Variants in SYNCRIP observed in about 807,000 individuals in gnomAD.
The protein encoded by SYNCRIP is synaptotagmin binding cytoplasmic RNA interacting protein, also known as heterogeneous nuclear ribonucleoprotein Q.
A neutral mutation model predicts 68.9 loss-of-function variants in SYNCRIP; 9 were observed. The ratio of observed to expected loss-of-function variants is 0.13; its 90% CI spans 0.08 to 0.23. The LOEUF (loss-of-function observed/expected upper bound fraction) is 0.23, where lower values mean the gene tolerates loss of function less well. SYNCRIP is among the 10% of genes least tolerant of loss of function. SYNCRIP has a pLI of 1.00. For synonymous variants in SYNCRIP, 258 were observed against 254.0 expected, an observed-to-expected ratio of 1.02 and a Z score of -0.15; for missense variants, 414 against 770.6, an observed-to-expected ratio of 0.54 and a Z score of 5.48.
chr6:85,623,063 T>G (rs1209916482), intron 7 of SYNCRIP, among the ~76,000 whole-genome samples: 1 of 152,212 alleles, frequency 6.6e-6, no homozygotes, highest in Non-Finnish European at 1.5e-5. Context: ...TTAATGGCAC[T>G]TTTCTGGCCT....
chr6:85,613,604 T>C (rs186310496), downstream of SYNCRIP, among the ~76,000 whole-genome samples: 682 of 152,364 alleles, frequency 4.5e-3, 1 homozygote, highest in South Asian at 8.9e-3. Flanking sequence ...AGATCTTTAA[T>C]ACAAACCAGT....
chr6:85,616,772 G>A (rs1035569699), intron 10 of SYNCRIP, among the ~76,000 whole-genome samples: 1 of 152,162 alleles, frequency 6.6e-6, no homozygotes, highest in Admixed American at 6.5e-5. Flanking sequence ...GGAAATGATG[G>A]AAAGATCATC....
chr6:85,617,799 C>A (rs897887075), intron 10 of SYNCRIP, among the ~76,000 whole-genome samples: 1 of 152,208 alleles, frequency 6.6e-6, no homozygotes, highest in Non-Finnish European at 1.5e-5. Context: ...AGAAAATTAA[C>A]CTTGAATAGT....
chr6:85,619,388 G>T lies in SYNCRIP; in HGVS notation c.1038C>A (p.Ala346=), dbSNP rs1318879061. 6.2e-7 allele frequency: 1 copy of T among 1,613,356 alleles called. No individual in the cohort carries two copies. The highest frequency in any genetic ancestry group is 2.2e-5 in the East Asian group (1 of 44,828). ...KVKVLFVRNL[A]NTVTEEILEK... is the part of the protein sequence containing the mutation. ...CTAAAATCTCTTCTGTTACAGTATT[G>T]GCAAGGTTGCGTACAAACAGCACTT... The change falls in exon 9 of 11, where the codon GCC becomes GCA. Residue 346 remains alanine, a synonymous_variant. Coordinates refer to ENST00000369622, the MANE Select transcript of SYNCRIP (RefSeq NM_006372.5).
intron 6 of SYNCRIP, among the ~76,000 whole-genome samples, chr6:85,628,503 T>C (rs1807329623): frequency 1.3e-5 from 2 of 152,200 alleles, no homozygotes; most frequent in Non-Finnish European, 2.9e-5. Context: ...TGGCTAATCA[T>C]TGCTTCCCTG....
At chr6:85,622,373 C>A in intron 8 of SYNCRIP, 109 bp downstream of exon 8, 1 of 1,078,576 alleles carries the variant, frequency 9.3e-7, no homozygotes, top group Non-Finnish European at 1.4e-6. Flanking sequence ...AGACTCTTGT[C>A]TCAAAAAATA....
downstream of SYNCRIP, chr6:85,608,320 G>A (rs1338107342): frequency 2.0e-5 from 3 of 151,998 alleles, no homozygotes; most frequent in East Asian, 1.9e-4. Flanking sequence ...TGGACTCCTG[G>A]AGATCCTAAG....
intron 9 of SYNCRIP, 126 bp from the exon 10 acceptor site, chr6:85,619,065 T>C: frequency 1.7e-6 from 2 of 1,188,274 alleles, no homozygotes; most frequent in South Asian, 1.4e-5. Context: ...GGCAGTCAAA[T>C]AATTTTATTT....
chr6:85,617,197 TA>T (rs77973702), intron 10 of SYNCRIP, among the ~76,000 whole-genome samples: 4,201 of 122,630 alleles, frequency 0.034, 83 homozygotes, highest in African/African-American at 0.08. Context: ...AGTTAAAACT[TA>T]AAAAAAAAAA....
intron 6 of SYNCRIP, among the ~76,000 whole-genome samples, chr6:85,630,798 T>A (rs1200892270): frequency 1.3e-5 from 2 of 152,198 alleles, no homozygotes; most frequent in East Asian, 3.9e-4. Flanking sequence ...CAGTTCTAAA[T>A]GTTAGGGAAA....
chr6:85,611,018 T>C (rs1363859691), downstream of SYNCRIP: 2 of 152,054 alleles, frequency 1.3e-5, no homozygotes, highest in African/African-American at 4.8e-5. Context: ...CACATTTACA[T>C]ATATTCCAAT....
chr6:85,642,728 A>ACCCT (rs1461936149), intron 1 of SYNCRIP, 69 bp downstream of exon 1: 1 of 151,172 alleles, frequency 6.6e-6, no homozygotes, highest in Non-Finnish European at 1.5e-5. Context: ...TACCCGCGCC[A>ACCCT]CCCTCCCCCA....
intron 1 of SYNCRIP, among the ~76,000 whole-genome samples, chr6:85,642,442 G>C (rs1809308051): frequency 6.6e-6 from 1 of 152,094 alleles, no homozygotes; most frequent in Non-Finnish European, 1.5e-5. Context: ...CACCGCCCAA[G>C]CTCGCCGCAC....
chr6:85,608,176 G>C (rs1804977129), downstream of SYNCRIP: 2 of 151,990 alleles, frequency 1.3e-5, no homozygotes, highest in Non-Finnish European at 2.9e-5. Flanking sequence ...ATATCTTGAG[G>C]AATTTTTCAC....
Position 85,640,563 on chromosome 6 carries a change from C to G in SYNCRIP, c.150G>C (p.Gly50=). Residue 50 remains glycine, a splice_region_variant and synonymous_variant, in exon 3 of 11, where the codon GGG becomes GGC. Transcript: ENST00000369622. The stretch of plus-strand genomic sequence containing the variant: ...CATCTAAATCACTATGTGCAACTAG[C>G]CCTGAAAAAAATAAAAGTTATCAGC... ...AEKLDEIYVA[G]LVAHSDLDER... is the part of the protein sequence containing the mutation. The G allele has an allele frequency of 6.4e-7, 1 of 1,550,564 alleles. No individual in the cohort carries two copies. Among genetic ancestry groups the G allele is most frequent in the South Asian group, 1.2e-5 (1 of 82,508 alleles).
chr6:85,640,852 T>A (rs1809055598), intron 2 of SYNCRIP, among the ~76,000 whole-genome samples: 1 of 152,136 alleles, frequency 6.6e-6, no homozygotes, highest in South Asian at 2.1e-4. Flanking sequence ...GACTTACGAA[T>A]CCTAGAATCA....
chr6:85,630,674 A>T (rs1807637889), intron 6 of SYNCRIP, among the ~76,000 whole-genome samples: 1 of 152,172 alleles, frequency 6.6e-6, no homozygotes, highest in African/African-American at 2.4e-5. Flanking sequence ...GTAGCACAGA[A>T]TTGTAAATGG....
intron 6 of SYNCRIP, among the ~76,000 whole-genome samples, chr6:85,626,726 A>G (rs922857658): frequency 3.9e-5 from 6 of 152,228 alleles, no homozygotes; most frequent in African/African-American, 1.4e-4. Flanking sequence ...CAACACTTCC[A>G]TTAACCATCA....
intron 6 of SYNCRIP, among the ~76,000 whole-genome samples, chr6:85,624,919 T>C (rs1806867288): frequency 6.6e-6 from 1 of 152,210 alleles, no homozygotes; most frequent in Admixed American, 6.5e-5. Context: ...GCGGCAATAA[T>C]TATTGATTAA....
Sources: gnomAD v4.1 joint callset for allele counts (sites outside exome capture counted in the v4.1 genomes callset) on GRCh38, gnomAD v4.1.1 for gene constraint, MANE v1.5 for transcripts, NCBI Gene and HGNC (gene_info 2026-07-23, HGNC 2026-07-21) for gene names.